Variants in MAPK8IP3 observed in about 807,000 individuals in gnomAD.
MAPK8IP3 encodes mitogen-activated protein kinase 8 interacting protein 3.
A neutral mutation model predicts 157.8 loss-of-function variants in MAPK8IP3; 49 were observed. That is an observed-to-expected ratio of 0.31 (90% CI 0.25 to 0.39). The LOEUF is 0.39. MAPK8IP3 is among the 10% of genes least tolerant of loss of function. The pLI, the probability that MAPK8IP3 is intolerant of heterozygous loss-of-function variation, is 1.00. For missense variants in MAPK8IP3, 1,478 were observed against 1,889.4 expected (o/e 0.78, Z 4.04); for synonymous variants, 897 against 777.7 (o/e 1.15, Z -2.55).
rs574082730 is a variant in MAPK8IP3, at chr16:1,738,464, G to A, written c.603-4868G>A. On this transcript the variant is annotated intron_variant, in intron 4 of 31. Coordinates refer to ENST00000610761, the MANE Select transcript of MAPK8IP3 (RefSeq NM_001318852.2). The stretch of plus-strand genomic sequence containing the variant: ...ACCATCCATGTGAGCATGTGTGACC[G>A]TCCGTGTGAGCATCCGTGTGAGCGT... 2.0e-3 allele frequency among the ~76,000 whole-genome samples: 212 copies of A among 106,222 alleles called. 2 individuals are homozygous for A. The highest frequency in any genetic ancestry group is 3.0e-3 in the Non-Finnish European group (162 of 54,668). The allele number at this position is 106,222 out of a possible 152,430, so 69.7% of individuals were successfully genotyped here. A position where few individuals can be genotyped will look rare whatever the true frequency, so the allele number is the denominator to read the frequency against.
chr16:1,749,828 A>C (rs2041189193), intron 8 of MAPK8IP3, among the ~76,000 whole-genome samples: 1 of 152,200 alleles, frequency 6.6e-6, no homozygotes, highest in South Asian at 2.1e-4. Flanking sequence ...GAGCAGAGTA[A>C]TGTGGGGTGC....
At chr16:1,758,030 G>A (rs2041715226) in intron 8 of MAPK8IP3, 118 bp from the exon 9 acceptor site, 1 of 1,033,010 alleles carries the variant, frequency 9.7e-7, no homozygotes, top group Non-Finnish European at 1.5e-6. Flanking sequence ...CCTGCAACAT[G>A]GGAGCAGCCG....
intron 8 of MAPK8IP3, among the ~76,000 whole-genome samples, chr16:1,754,585 G>C (rs2041484421): frequency 6.6e-6 from 1 of 151,954 alleles, no homozygotes; most frequent in African/African-American, 2.4e-5. Context: ...CACTCTGGCC[G>C]ACGTGGTGAA....
At chr16:1,707,917 C>T (rs896005522) in intron 1 of MAPK8IP3, 2 of 152,114 alleles carry the variant, frequency 1.3e-5, no homozygotes, top group Non-Finnish European at 2.9e-5. Flanking sequence ...TTTCTGAAAC[C>T]AAGGTGATTT....
rs780394009 is a variant in MAPK8IP3 at position 1,765,135 on chromosome 16, C to T, written c.2403C>T (p.Phe801=). The change falls in exon 20 of 32, where the codon TTC becomes TTT. Residue 801 remains phenylalanine (F), a synonymous_variant. Transcript: ENST00000610761. ...ANQPGTVVDQ[F]TVCNAHVLCI... Reference sequence around the variant, plus strand: ...AGCCGGGCACGGTGGTGGACCAGTTCACCGTCTGCAACGCGCACGTGCTGT... The same window carrying T: ...AGCCGGGCACGGTGGTGGACCAGTTTACCGTCTGCAACGCGCACGTGCTGT... 1.9e-6 allele frequency: 3 copies of T among 1,611,528 alleles called. No individual in the cohort carries two copies. The highest frequency in any genetic ancestry group is 1.1e-5 in the South Asian group (1 of 91,048).
chr16:1,738,493 A>AGCAC (rs1229833681), intron 4 of MAPK8IP3, among the ~76,000 whole-genome samples: 1 of 98,904 alleles, frequency 1.0e-5, no homozygotes, highest in Non-Finnish European at 1.9e-5. Flanking sequence ...TGAGCGTGTG[A>AGCAC]CCGTCCGTGT....
At chr16:1,761,164 A>C (rs543666608) in intron 12 of MAPK8IP3, 60 bp from the exon 13 acceptor site, 2 of 1,367,620 alleles carry the variant, frequency 1.5e-6, no homozygotes, top group African/African-American at 1.4e-5. Flanking sequence ...ACTGCCCGCT[A>C]TGTGTTCCCG....
In MAPK8IP3 at chr16:1,762,888, T is replaced by A. The variant is rs369258590; in HGVS notation, c.1780T>A (p.Tyr594Asn). Residue 594 changes from tyrosine to asparagine, a missense_variant, in exon 16 of 32, where the codon TAT (tyrosine) becomes AAT (asparagine). Physicochemically the swap from Tyr to Asn is moderately radical, Grantham distance 143. Transcript: ENST00000610761. ...CAGCCCCCCTCCGGCCAAGCGCCCC[T>A]ATCCCTCGGTGAACATCCACTACAA... is the stretch of plus-strand genomic sequence containing the variant. ...SSSPPPAKRP[Y>N]PSVNIHYKSP... is the part of the protein sequence containing the mutation. 4.4e-5 allele frequency: 71 copies of A among 1,612,872 alleles called. No individual in the cohort carries two copies. Among genetic ancestry groups the A allele is most frequent in the Non-Finnish European group, 5.6e-5 (66 of 1,179,942 alleles).
chr16:1,715,652 G>A (rs928536193), intron 1 of MAPK8IP3, among the ~76,000 whole-genome samples: 1 of 152,024 alleles, frequency 6.6e-6, no homozygotes, highest in Non-Finnish European at 1.5e-5. Flanking sequence ...GTCAAGATTC[G>A]TTTCTAACCA....
In MAPK8IP3 at chr16:1,758,373, C is replaced by T. The variant is rs2041741663; in HGVS notation, c.1228+214C>T. ...CAATGACCTGGATATCCAACCCCCC[C>T]AGCCTGAGGAGTCCCCCGCGGGCCA... On this transcript the variant is annotated intron_variant, in intron 9 of 31. Transcript: ENST00000610761. 3.3e-5 allele frequency among the ~76,000 whole-genome samples: 5 copies of T among 152,234 alleles called. No homozygotes were observed. The South Asian group carries it at 1.0e-3, about 32-fold the overall frequency.
rs1233391476 is a variant in MAPK8IP3 at position 1,758,258 on chromosome 16, A to G, written c.1228+99A>G. 3 of 1,398,602 alleles carry G rather than the reference A, an allele frequency of 2.1e-6. No individual in the cohort carries two copies. In the Admixed American group the frequency reaches 5.6e-5, roughly 26 times the overall value. 86.6% of individuals were successfully genotyped at this position (1,398,602 alleles called of 1,614,324 possible). A position where few individuals can be genotyped will look rare whatever the true frequency, so the allele number is the denominator to read the frequency against. On this transcript the variant is annotated intron_variant, in intron 9 of 31. Coordinates refer to ENST00000610761, the MANE Select transcript of MAPK8IP3 (RefSeq NM_001318852.2). ...CTATCCCGTCACCGTGGCTGTGTGG[A>G]CTGCCCCCCACGTCGCCGCAGCGCC... is the stretch of plus-strand genomic sequence containing the variant.
intron 2 of MAPK8IP3, among the ~76,000 whole-genome samples, chr16:1,728,348 C>G (rs1352499088): frequency 1.3e-5 from 2 of 152,204 alleles, no homozygotes; most frequent in Admixed American, 1.3e-4. Flanking sequence ...CTTGTTCTGC[C>G]AGACACGACC....
At chr16:1,761,882 G>T (rs922115241) in intron 13 of MAPK8IP3, among the ~76,000 whole-genome samples, 2 of 152,232 alleles carry the variant, frequency 1.3e-5, no homozygotes, top group Non-Finnish European at 2.9e-5. Flanking sequence ...TGGGGATGCG[G>T]GGTGCCTCCC....
At position 1,768,101 on chromosome 16, in the gene MAPK8IP3, C is replaced by T. The variant is rs758236226; in HGVS notation, c.3556C>T (p.Leu1186Phe). The change falls in exon 29 of 32, where the codon CTC becomes TTC. Residue 1186 changes from leucine to phenylalanine, a missense_variant. This residue lies in a region of MAPK8IP3 where 83 missense variants were observed against 85.3 expected (regional missense o/e 0.97). Transcript: ENST00000610761. Reference protein sequence around the residue: ...VVLHRGQLLGLRANKTSPTSG... With the variant: ...VVLHRGQLLGFRANKTSPTSG... ...CCTGCACCGAGGCCAGCTCCTGGGG[C>T]TCCGAGGTAAGCCCAGCCACCTCGT... 6 of 1,612,268 alleles carry T rather than the reference C, an allele frequency of 3.7e-6. No homozygotes were observed. In the Admixed American group the frequency reaches 1.0e-4, roughly 27 times the overall value.
chr16:1,768,216 A>G lies in MAPK8IP3; in HGVS notation c.3580A>G (p.Thr1194Ala). Residue 1194 changes from threonine (T) to alanine (A), a missense_variant, in exon 30 of 32, where the codon ACC (threonine) becomes GCC (alanine). Transcript: ENST00000610761. ...CCCTGCAGCCAATAAGACATCCCCCACCTCTGGGGAGGGCGCCCGTCCCGG... is the reference window on the plus strand; with the variant it reads ...CCCTGCAGCCAATAAGACATCCCCCGCCTCTGGGGAGGGCGCCCGTCCCGG... Reference protein sequence around the residue: ...LGLRANKTSPTSGEGARPGGI... With the variant: ...LGLRANKTSPASGEGARPGGI... 1 of 1,611,950 alleles carries G rather than the reference A, an allele frequency of 6.2e-7. No homozygotes were observed. Among genetic ancestry groups the G allele is most frequent in the Non-Finnish European group, 8.5e-7 (1 of 1,179,792 alleles).
intron 4 of MAPK8IP3, among the ~76,000 whole-genome samples, chr16:1,730,637 A>C (rs2039244582): frequency 1.3e-5 from 2 of 152,026 alleles, no homozygotes; most frequent in African/African-American, 4.8e-5. Flanking sequence ...AGGTCAGGAG[A>C]TCGAGACCAT....
rs138095792 is a variant in MAPK8IP3, at chr16:1,723,007, T to G, written c.319-1550T>G. 4.6e-3 allele frequency among the ~76,000 whole-genome samples: 698 copies of G among 150,818 alleles called. 26 individuals are homozygous for G. The East Asian group carries it at 0.059, about 13-fold the overall frequency. ...TGAGCCACCGTGCCTGGCCAATTTT[T>G]TTTGTTTGTTTGTTTTTGTTTTTGT... On this transcript the variant is annotated intron_variant, in intron 1 of 31. Transcript: ENST00000610761.
chr16:1,739,878 C>G (rs1192470141), intron 4 of MAPK8IP3, among the ~76,000 whole-genome samples: 1 of 98,800 alleles, frequency 1.0e-5, no homozygotes, highest in African/African-American at 4.1e-5. Flanking sequence ...CTGTGAGCAT[C>G]CGTGTGACCG....
chr16:1,748,795 T>C, intron 8 of MAPK8IP3, 75 bp downstream of exon 8: 4 of 1,348,122 alleles, frequency 3.0e-6, no homozygotes, highest in Non-Finnish European at 4.3e-6. Flanking sequence ...TTGTTTGTAA[T>C]GAAAGGAAAG....
Sources: gnomAD v4.1 joint callset for allele counts (sites outside exome capture counted in the v4.1 genomes callset) on GRCh38, gnomAD v4.1.1 for gene constraint, gnomAD v4.1.1 regional missense constraint, MANE v1.5 for transcripts, NCBI Gene and HGNC (gene_info 2026-07-23, HGNC 2026-07-21) for gene names.